Variants in BCAS4 observed in about 807,000 individuals in gnomAD.
The protein encoded by BCAS4 is breast carcinoma-amplified sequence 4.
A neutral mutation model predicts 15.7 loss-of-function variants in BCAS4; 9 were observed. That is an observed-to-expected ratio of 0.57 (90% confidence interval 0.34 to 1.00). BCAS4 has a LOEUF of 1.00. Among genes scored for constraint, BCAS4 ranks in the 50% least tolerant of loss-of-function variants. The pLI is 0.02. For synonymous variants in BCAS4, 101 were observed against 99.5 expected (o/e 1.02, Z -0.09); for missense variants, 225 against 239.1 (o/e 0.94, Z 0.39).
intron 1 of BCAS4, among the ~76,000 whole-genome samples, chr20:50,798,984 C>T (rs777802346): frequency 2.0e-5 from 3 of 152,100 alleles, no homozygotes; most frequent in Non-Finnish European, 2.9e-5. Context: ...AGGGCTGGTG[C>T]GTTTTGCCAG....
intron 1 of BCAS4, among the ~76,000 whole-genome samples, chr20:50,804,923 G>T (rs185268525): frequency 6.6e-6 from 1 of 152,246 alleles, no homozygotes; most frequent in East Asian, 1.9e-4. Flanking sequence ...GCTACTCAGA[G>T]AATCACCTCA....
intron 4 of BCAS4, among the ~76,000 whole-genome samples, chr20:50,859,572 G>T (rs1357219573): frequency 7.5e-6 from 1 of 132,558 alleles, no homozygotes; most frequent in African/African-American, 3.4e-5. Flanking sequence ...AGGCTCTGGG[G>T]CCAGTGGGAG....
chr20:50,796,644 G>A (rs1476262722), intron 1 of BCAS4, among the ~76,000 whole-genome samples: 1 of 147,690 alleles, frequency 6.8e-6, no homozygotes, highest in East Asian at 2.1e-4. Flanking sequence ...ACAGGCGTGT[G>A]CCACCATGCT....
rs1352870774 is a variant in BCAS4, at chr20:50,795,064, C to G, written c.-20C>G. ...GGGCTCCCAGGCAGCCTCCGCCAGC[C>G]GGACCCCGTCGCCCTCCTGATGCTG... On this transcript the variant is annotated 5_prime_UTR_variant, in exon 1 of 5. Transcript: ENST00000371608. 2 of 1,486,938 alleles carry G rather than the reference C, an allele frequency of 1.3e-6. No homozygotes were observed. The highest frequency in any genetic ancestry group is 8.9e-7 in the Non-Finnish European group (1 of 1,118,764). 92.1% of individuals were successfully genotyped at this position (1,486,938 alleles called of 1,614,324 possible).
chr20:50,869,054 C>T (rs1979499476), intron 4 of BCAS4, among the ~76,000 whole-genome samples: 1 of 152,230 alleles, frequency 6.6e-6, no homozygotes, highest in African/African-American at 2.4e-5. Flanking sequence ...CTGCCATGCT[C>T]CAGGCAGGAC....
intron 1 of BCAS4, among the ~76,000 whole-genome samples, chr20:50,804,060 T>A (rs2087961022): frequency 6.6e-6 from 1 of 152,100 alleles, no homozygotes; most frequent in Non-Finnish European, 1.5e-5. Flanking sequence ...TTTTTTGAGA[T>A]GGAGTTTCGC....
chr20:50,855,376 A>C (rs1316163051), intron 4 of BCAS4, among the ~76,000 whole-genome samples: 3 of 150,492 alleles, frequency 2.0e-5, no homozygotes, highest in Admixed American at 2.0e-4. Context: ...CTGCATCCCT[A>C]TCTGTGCCAC....
intron 4 of BCAS4, among the ~76,000 whole-genome samples, chr20:50,859,571 G>A (rs992182053): frequency 7.5e-6 from 1 of 133,114 alleles, no homozygotes; most frequent in Non-Finnish European, 1.5e-5. Flanking sequence ...TAGGCTCTGG[G>A]GCCAGTGGGA....
chr20:50,874,057 A>G (rs1164217174), intron 4 of BCAS4, among the ~76,000 whole-genome samples: 1 of 152,172 alleles, frequency 6.6e-6, no homozygotes, highest in Non-Finnish European at 1.5e-5. Context: ...TGGGGGACAC[A>G]TGAAACAGCC....
chr20:50,820,042 C>A (rs972056952), intron 2 of BCAS4, among the ~76,000 whole-genome samples: 8 of 144,182 alleles, frequency 5.5e-5, no homozygotes, highest in African/African-American at 2.0e-4. Flanking sequence ...GTAGAGACAG[C>A]ATGTTGACCA....
At chr20:50,874,352 G>A (rs907127595) in intron 4 of BCAS4, among the ~76,000 whole-genome samples, 6 of 152,106 alleles carry the variant, frequency 3.9e-5, no homozygotes, top group Admixed American at 6.5e-5. Flanking sequence ...CTATACCCCT[G>A]TTCTCCTGAC....
chr20:50,807,942 C>G (rs1286153314), intron 1 of BCAS4, among the ~76,000 whole-genome samples: 2 of 140,870 alleles, frequency 1.4e-5, no homozygotes, highest in East Asian at 2.1e-4. Flanking sequence ...GAGTCTCGCT[C>G]TCTTACCCAG....
intron 4 of BCAS4, among the ~76,000 whole-genome samples, chr20:50,872,920 C>T (rs1311812601): frequency 6.6e-6 from 1 of 152,234 alleles, no homozygotes; most frequent in African/African-American, 2.4e-5. Context: ...CATGCTTGTT[C>T]TCCTTGGAGC....
In BCAS4 at chr20:50,851,428, A is replaced by T. The variant is rs1049278490; in HGVS notation, c.399+9528A>T. The stretch of plus-strand genomic sequence containing the variant: ...GTCTTTGGTGGAGTGCTATAGGGGG[A>T]CGGAGGGTTCCTGGCAGGCTGGTTT... On this transcript the variant is annotated intron_variant, in intron 4 of 4. Transcript: ENST00000371608. The surrounding 1 kb of genome is among the most constrained non-coding windows in gnomAD (Gnocchi z 4.3). 3.8e-4 allele frequency among the ~76,000 whole-genome samples: 57 copies of T among 151,942 alleles called. No individual in the cohort carries two copies. Among genetic ancestry groups the T allele is most frequent in the African/African-American group, 1.4e-3 (57 of 41,364 alleles).
chr20:50,879,336 G>A (rs934664016), downstream of BCAS4: 10 of 152,228 alleles, frequency 6.6e-5, no homozygotes, highest in African/African-American at 2.4e-4. Context: ...GGCCAACATA[G>A]TGAAACCTCA....
At position 50,830,366 on chromosome 20, in the gene BCAS4, G is replaced by A; in HGVS notation, c.250G>A (p.Val84Met). Reference sequence around the variant, plus strand: ...AGAAATGCGTGGCATCTATGCCAAAGTGGACCGGCTAGAGGTACGTCTAGG... The same window carrying A: ...AGAAATGCGTGGCATCTATGCCAAAATGGACCGGCTAGAGGTACGTCTAGG... The part of the protein sequence containing the change: ...LTEMRGIYAK[V>M]DRLEAFVKMV... The change falls in exon 3 of 5, where the codon GTG becomes ATG. Residue 84 changes from valine (V) to methionine (M), a missense_variant. Physicochemically the swap from Val to Met is conservative, Grantham distance 21 (BLOSUM62 1). Coordinates refer to ENST00000371608, the MANE Select transcript of BCAS4 (RefSeq NM_198799.4). 6.2e-7 allele frequency: 1 copy of A among 1,613,714 alleles called. No homozygotes were observed. The highest frequency in any genetic ancestry group is 8.5e-7 in the Non-Finnish European group (1 of 1,179,806).
Position 50,822,205 on chromosome 20 carries a change from G to GT in BCAS4, c.162+3924dup, listed in dbSNP as rs200380329. Among the ~76,000 whole-genome samples the GT allele has an allele frequency of 7.3e-3, 1,110 of 152,268 alleles. 20 individuals are homozygous for GT. Among genetic ancestry groups the GT allele is most frequent in the African/African-American group, 0.026 (1,073 of 41,536 alleles). On this transcript the variant is annotated intron_variant, in intron 2 of 4. Coordinates refer to ENST00000371608, the MANE Select transcript of BCAS4 (RefSeq NM_198799.4). ...CCACGTGGCTGGCGTGGGCTTCCTC[G>GT]TAGCATGGCTGTTTGACCTCCCCAG...
At chr20:50,833,802 C>T (rs1045721329) in intron 3 of BCAS4, among the ~76,000 whole-genome samples, 2 of 152,160 alleles carry the variant, frequency 1.3e-5, no homozygotes, top group Non-Finnish European at 1.5e-5. Flanking sequence ...GGGGAGATGT[C>T]GGCTTCCCTG....
intron 1 of BCAS4, among the ~76,000 whole-genome samples, chr20:50,797,959 G>A (rs113794154): frequency 2.0e-5 from 3 of 151,688 alleles, no homozygotes; most frequent in Non-Finnish European, 2.9e-5. Context: ...GCCACTGTGC[G>A]TGGCCACCTA....
Sources: allele counts gnomAD v4.1 joint callset (sites outside exome capture counted in the v4.1 genomes callset), GRCh38; gene constraint gnomAD v4.1.1; non-coding constraint Gnocchi (gnomAD v3.1); transcripts MANE v1.5; gene names NCBI Gene and HGNC (gene_info 2026-07-23, HGNC 2026-07-21).